Variants in ZFR2 observed in about 807,000 individuals in gnomAD.
ZFR2 encodes zinc finger RNA binding protein 2, also known as zinc finger RNA-binding protein 2.
A neutral mutation model predicts 105.7 loss-of-function variants in ZFR2; 104 were observed. The observed-to-expected ratio is 0.98, with a 90% confidence interval of 0.84 to 1.16. The LOEUF (loss-of-function observed/expected upper bound fraction) is 1.16, where lower values mean the gene tolerates loss of function less well. Among genes scored for constraint, ZFR2 ranks in the 50% most tolerant of loss-of-function variants. The pLI, the probability that ZFR2 is intolerant of heterozygous loss-of-function variation, is 0.00. For synonymous variants in ZFR2, 634 were observed against 597.7 expected (o/e 1.06, Z -0.89); for missense variants, 1,425 against 1,355.5 (o/e 1.05, Z -0.80).
At chr19:3,808,520 G>A (rs1012199233) in intron 17 of ZFR2, among the ~76,000 whole-genome samples, 1 of 152,244 alleles carries the variant, frequency 6.6e-6, no homozygotes, top group African/African-American at 2.4e-5. Context: ...GATAATCTTT[G>A]GAGGACAGGC....
intron 2 of ZFR2, among the ~76,000 whole-genome samples, chr19:3,833,998 C>T (rs927381526): frequency 1.3e-5 from 2 of 152,062 alleles, no homozygotes; most frequent in Non-Finnish European, 2.9e-5. Context: ...GTCATGGAGC[C>T]GACACTAATT....
At position 3,806,023 on chromosome 19, in the gene ZFR2, G is replaced by A. The variant is rs199859071; in HGVS notation, c.2746C>T (p.Arg916Trp). The A allele has an allele frequency of 7.2e-4, 1,112 of 1,545,086 alleles. 1 individual carries two copies. The highest frequency in any genetic ancestry group is 8.8e-4 in the Non-Finnish European group (1,006 of 1,146,564). ...CCCTCCTCTCCCTCGCCAGGTCCCC[G>A]TTGCCTCTTCCGGAAGCGGGCCCCC... ...RLGARFRKRQ[R>W]GPGEGEEGAG... The change falls in exon 19 of 19, where the codon CGG (arginine) becomes TGG (tryptophan). Residue 916 changes from arginine to tryptophan, a missense_variant. Arg to Trp is a moderately radical substitution (Grantham distance 101). Transcript: ENST00000262961.
intron 1 of ZFR2, among the ~76,000 whole-genome samples, chr19:3,845,666 G>A (rs537152658): frequency 6.6e-6 from 1 of 151,454 alleles, no homozygotes; most frequent in African/African-American, 2.4e-5. Context: ...GTGGTGGTGT[G>A]CACCTGTAGT....
At chr19:3,809,488 G>A (rs1309391829) in intron 16 of ZFR2, among the ~76,000 whole-genome samples, 1 of 152,180 alleles carries the variant, frequency 6.6e-6, no homozygotes, top group Non-Finnish European at 1.5e-5. Flanking sequence ...GGGCATTGCT[G>A]GCCTCCCACA....
chr19:3,810,732 C>A lies in ZFR2; in HGVS notation c.2433+18G>T. 1 of 1,544,924 alleles carries A rather than the reference C, an allele frequency of 6.5e-7. No homozygotes were observed. The highest frequency in any genetic ancestry group is 2.5e-5 in the East Asian group (1 of 40,704). Reference sequence around the variant, plus strand: ...TGGGGGTCCCAGTGGAGGGCCGGGCCGCCAGGCACTGCCTTACCCAGGCTG... The same window carrying A: ...TGGGGGTCCCAGTGGAGGGCCGGGCAGCCAGGCACTGCCTTACCCAGGCTG... On this transcript the variant is annotated intron_variant, in intron 16 of 18. Coordinates refer to ENST00000262961, the MANE Select transcript of ZFR2 (RefSeq NM_015174.2).
At chr19:3,833,923 T>G in intron 2 of ZFR2, 145 bp from the exon 3 acceptor site, 4 of 565,040 alleles carry the variant, frequency 7.1e-6, no homozygotes, top group Non-Finnish European at 8.9e-6. Flanking sequence ...GACCAGGCCC[T>G]GGCCCGGAGG....
chr19:3,834,131 G>T lies in ZFR2; in HGVS notation c.265-353C>A, dbSNP rs1021563065. 6.6e-6 allele frequency among the ~76,000 whole-genome samples: 1 copy of T among 152,208 alleles called. No individual in the cohort carries two copies. Among genetic ancestry groups the T allele is most frequent in the African/African-American group, 2.4e-5 (1 of 41,456 alleles). On this transcript the variant is annotated intron_variant, in intron 2 of 18. Transcript: ENST00000262961. The surrounding 1 kb of genome is among the most constrained non-coding windows in gnomAD (Gnocchi z 5.3). Reference sequence around the variant, plus strand: ...AGAGGGGAGGAAGAGGGTGGGGTCAGGTGGGTGCTGAGCTTGAGTGACAGG... The same window carrying T: ...AGAGGGGAGGAAGAGGGTGGGGTCATGTGGGTGCTGAGCTTGAGTGACAGG...
chr19:3,837,808 A>G (rs2038093458), intron 1 of ZFR2, among the ~76,000 whole-genome samples: 1 of 150,818 alleles, frequency 6.6e-6, no homozygotes, highest in African/African-American at 2.4e-5. Flanking sequence ...CTCAAACACC[A>G]TGACTATGGA....
At chr19:3,863,459 T>C (rs1029408716) in intron 1 of ZFR2, among the ~76,000 whole-genome samples, 1 of 152,124 alleles carries the variant, frequency 6.6e-6, no homozygotes, top group African/African-American at 2.4e-5. Flanking sequence ...ACAGGGTCTC[T>C]CGCTGTCGCC....
intron 1 of ZFR2, 97 bp downstream of exon 1, chr19:3,868,868 C>T: frequency 9.7e-7 from 1 of 1,035,718 alleles, no homozygotes; most frequent in Non-Finnish European, 1.3e-6. Context: ...GGGACTGGGG[C>T]CGGGCCGGGC....
At chr19:3,825,435 G>A (rs766680148) in intron 6 of ZFR2, 28 bp from the exon 7 acceptor site, 42 of 1,545,122 alleles carry the variant, frequency 2.7e-5, no homozygotes, top group Non-Finnish European at 3.3e-5. Flanking sequence ...GGGCTCCCGC[G>A]TGAGGGCCGC....
rs545636027 is a variant in ZFR2 at position 3,834,781 on chromosome 19, T to C, written c.256A>G (p.Thr86Ala). The C allele has an allele frequency of 7.3e-5, 117 of 1,611,666 alleles. No individual in the cohort carries two copies. In the Admixed American group the frequency reaches 1.9e-3, roughly 26 times the overall value. The change falls in exon 2 of 19, where the codon ACC (threonine) becomes GCC (alanine). Residue 86 changes from threonine to alanine, a missense_variant. Physicochemically the swap from Thr to Ala is moderately conservative, Grantham distance 58. Transcript: ENST00000262961. This position sits in a 1 kb window ranked among gnomAD's most constrained non-coding sequence, Gnocchi z 5.3. ...AAGAAAGGACTGGATACCTGGTAGG[T>C]AGCCATGGTGGTGGCCGTGGGGACG... is the stretch of plus-strand genomic sequence containing the variant. ...EPVPTATTMATYQDSYSYGQS... is the reference protein window; with the variant it reads ...EPVPTATTMAAYQDSYSYGQS...
intron 7 of ZFR2, 42 bp downstream of exon 7, chr19:3,825,188 G>A: frequency 7.0e-7 from 1 of 1,422,408 alleles, no homozygotes; most frequent in Non-Finnish European, 9.2e-7. Flanking sequence ...TAGGCGGCCA[G>A]GGCTCTGGTG....
chr19:3,850,784 G>A (rs965061782), intron 1 of ZFR2, among the ~76,000 whole-genome samples: 39 of 151,298 alleles, frequency 2.6e-4, no homozygotes, highest in African/African-American at 8.0e-4. Context: ...CACACTTTGC[G>A]CCTGTGGATC....
intron 1 of ZFR2, among the ~76,000 whole-genome samples, chr19:3,850,134 G>A (rs528597683): frequency 2.6e-5 from 4 of 152,210 alleles, no homozygotes; most frequent in South Asian, 2.1e-4. Context: ...CAGAGGCAGC[G>A]AAACCCAGGC....
intron 1 of ZFR2, among the ~76,000 whole-genome samples, chr19:3,839,768 T>C (rs2038117374): frequency 6.6e-6 from 1 of 152,134 alleles, no homozygotes. Context: ...ACCTGGATCC[T>C]ATTCCTTTTT....
In ZFR2 at chr19:3,834,194, C is replaced by T. The variant is rs192997784; in HGVS notation, c.265-416G>A. 2.6e-5 allele frequency among the ~76,000 whole-genome samples: 4 copies of T among 152,108 alleles called. No homozygotes were observed. The highest frequency in any genetic ancestry group is 7.2e-5 in the African/African-American group (3 of 41,490). Reference sequence around the variant, plus strand: ...GCCGTTGACCGACACAATCTGGGGACGAGGTGCGGGTGGCAGAGCTGGGAA... The same window carrying T: ...GCCGTTGACCGACACAATCTGGGGATGAGGTGCGGGTGGCAGAGCTGGGAA... On this transcript the variant is annotated intron_variant, in intron 2 of 18. Coordinates refer to ENST00000262961, the MANE Select transcript of ZFR2 (RefSeq NM_015174.2). This position sits in a 1 kb window ranked among gnomAD's most constrained non-coding sequence, Gnocchi z 5.3.
At chr19:3,839,488 G>A (rs912801148) in intron 1 of ZFR2, among the ~76,000 whole-genome samples, 2 of 140,816 alleles carry the variant, frequency 1.4e-5, no homozygotes, top group African/African-American at 5.2e-5. Flanking sequence ...GCAGTGAGCC[G>A]AGACCGCTCC....
chr19:3,807,935 GTC>G (rs1170067110), intron 17 of ZFR2, among the ~76,000 whole-genome samples: 6 of 147,048 alleles, frequency 4.1e-5, no homozygotes, highest in South Asian at 2.2e-4. Flanking sequence ...GTGCATGCAT[GTC>G]TGTGTGTGCA....
Sources: gnomAD v4.1 joint callset for allele counts (sites outside exome capture counted in the v4.1 genomes callset) on GRCh38, gnomAD v4.1.1 for gene constraint, Gnocchi (gnomAD v3.1) non-coding constraint, MANE v1.5 for transcripts, NCBI Gene and HGNC (gene_info 2026-07-23, HGNC 2026-07-21) for gene names.